The following PDS5B variants were observed in gnomAD, a reference collection of about 807,000 sequenced individuals.
PDS5B encodes the protein sister chromatid cohesion protein PDS5 homolog B.
In PDS5B, 51 loss-of-function variants were observed where a neutral mutation model predicts 184.1. The ratio of observed to expected loss-of-function variants is 0.28; its 90% CI spans 0.22 to 0.35. PDS5B has a LOEUF of 0.35. Ranked by LOEUF, PDS5B falls within the 10% of genes least tolerant of loss-of-function variation. The pLI is 1.00. For missense variants in PDS5B, 1,180 were observed against 1,723.3 expected (o/e 0.68, Z 5.58); for synonymous variants, 566 against 569.2 (o/e 0.99, Z 0.08).
chr13:32,676,507 G>A (rs1337386585), intron 9 of PDS5B, among the ~76,000 whole-genome samples: 1 of 152,070 alleles, frequency 6.6e-6, no homozygotes, highest in African/African-American at 2.4e-5. Flanking sequence ...TCTGTGAGAG[G>A]TATTCATCCC....
rs376698450 is a variant in PDS5B at position 32,758,070 on chromosome 13, CTT to C, written c.3057-4_3057-3del. Reference sequence around the variant, plus strand: ...GATTTTCTTCTATATTTCTTTTTTCCTTTTTTTTTTTTTTAGATGTCTTTGGT... The same window carrying C: ...GATTTTCTTCTATATTTCTTTTTTCCTTTTTTTTTTTTAGATGTCTTTGGT... On this transcript the variant is annotated splice_polypyrimidine_tract_variant and intron_variant, in intron 26 of 34. Coordinates refer to ENST00000315596, the MANE Select transcript of PDS5B (RefSeq NM_015032.4). The C allele has an allele frequency of 9.4e-3, 8,499 of 900,666 alleles. No homozygotes were observed. The highest frequency in any genetic ancestry group is 0.015 in the South Asian group (499 of 33,850). 55.8% of individuals were successfully genotyped at this position (900,666 alleles called of 1,614,324 possible).
intron 1 of PDS5B, among the ~76,000 whole-genome samples, chr13:32,599,702 C>T (rs967364351): frequency 2.0e-5 from 3 of 152,016 alleles, no homozygotes; most frequent in Non-Finnish European, 2.9e-5. Context: ...ATCATGAGGT[C>T]AGGAGATCTG....
intron 33 of PDS5B, among the ~76,000 whole-genome samples, chr13:32,772,422 C>G (rs1337996350): frequency 6.6e-6 from 1 of 152,016 alleles, no homozygotes; most frequent in African/African-American, 2.4e-5. Flanking sequence ...GAAGTTTTTT[C>G]TTTAAAAGTA....
rs1190821223 is a variant in PDS5B, at chr13:32,770,439, A to C, written c.3943A>C (p.Ser1315Arg). 1.2e-6 allele frequency: 2 copies of C among 1,613,650 alleles called. No individual in the cohort carries two copies. Residue 1315 changes from serine (S) to arginine (R), a missense_variant, in exon 32 of 35, where the codon AGC becomes CGC. Physicochemically the swap from Ser to Arg is moderately radical, Grantham distance 110. This residue lies in a region of PDS5B where 465 missense variants were observed against 497.8 expected (regional missense o/e 0.93). Transcript: ENST00000315596. ...AACAATGAAAACTTCTAAAAAAGGA[A>C]GCAAAAAAAAATCTGGACCTCCAGC... is the stretch of plus-strand genomic sequence containing the variant. ...EPTMKTSKKG[S>R]KKKSGPPAPE...
intron 11 of PDS5B, among the ~76,000 whole-genome samples, chr13:32,686,212 T>C (rs117526015): frequency 0.014 from 2,172 of 152,302 alleles, 29 homozygotes; most frequent in Middle Eastern, 0.051. Flanking sequence ...TATTCTAAGA[T>C]AATTAATGCC....
intron 1 of PDS5B, among the ~76,000 whole-genome samples, chr13:32,587,847 T>C (rs770231668): frequency 2.0e-5 from 3 of 152,202 alleles, no homozygotes; most frequent in Non-Finnish European, 4.4e-5. Flanking sequence ...AAACTTTGGG[T>C]ATAGCCTTAA....
intron 1 of PDS5B, among the ~76,000 whole-genome samples, chr13:32,635,983 A>G (rs2058549161): frequency 2.0e-5 from 3 of 151,390 alleles, no homozygotes; most frequent in South Asian, 4.2e-4. Flanking sequence ...GTTAGCCATG[A>G]TGGTCTCGAT....
intron 1 of PDS5B, among the ~76,000 whole-genome samples, chr13:32,617,527 AT>A (rs1436017938): frequency 6.6e-6 from 1 of 152,136 alleles, no homozygotes; most frequent in Admixed American, 6.5e-5. Context: ...ATAACTCAAG[AT>A]TTTTTACAGG....
intron 24 of PDS5B, among the ~76,000 whole-genome samples, chr13:32,751,347 T>A (rs542605771): frequency 6.6e-6 from 1 of 152,382 alleles, no homozygotes; most frequent in South Asian, 2.1e-4. Context: ...ATGGTAGACA[T>A]GATTTATAAT....
intron 19 of PDS5B, among the ~76,000 whole-genome samples, chr13:32,711,600 T>C (rs1434588917): frequency 6.6e-6 from 1 of 152,070 alleles, no homozygotes; most frequent in African/African-American, 2.4e-5. Context: ...TCAAGTGATC[T>C]GCCCGCTTCC....
chr13:32,701,368 C>G lies in PDS5B; in HGVS notation c.1786C>G (p.Pro596Ala). 6.2e-7 allele frequency: 1 copy of G among 1,612,770 alleles called. No individual in the cohort carries two copies. The highest frequency in any genetic ancestry group is 8.5e-7 in the Non-Finnish European group (1 of 1,179,044). The change falls in exon 17 of 35, where the codon CCT becomes GCT. Residue 596 changes from proline to alanine, a missense_variant. This residue lies in a region of PDS5B where 475 missense variants were observed against 691.5 expected (regional missense o/e 0.69). Coordinates refer to ENST00000315596, the MANE Select transcript of PDS5B (RefSeq NM_015032.4). ...GGGCAACCCCAAACAGCCTACAAAT[C>G]CTTTCCTGGAAATGATCAAGTTTCT... The part of the protein sequence containing the change: ...KLGNPKQPTN[P>A]FLEMIKFLLE...
At chr13:32,686,093 G>A (rs1754001295) in intron 11 of PDS5B, among the ~76,000 whole-genome samples, 1 of 152,034 alleles carries the variant, frequency 6.6e-6, no homozygotes, top group African/African-American at 2.4e-5. Flanking sequence ...AAAAGAAAAA[G>A]GACCACGAAG....
At chr13:32,711,803 G>A (rs1158003714) in intron 19 of PDS5B, among the ~76,000 whole-genome samples, 3 of 151,654 alleles carry the variant, frequency 2.0e-5, no homozygotes, top group Non-Finnish European at 4.4e-5. Flanking sequence ...TATGTAGTAC[G>A]TATACATACC....
At chr13:32,615,949 G>C (rs916458129) in intron 1 of PDS5B, among the ~76,000 whole-genome samples, 1 of 151,922 alleles carries the variant, frequency 6.6e-6, no homozygotes, top group African/African-American at 2.4e-5. Flanking sequence ...CTAAATTCTT[G>C]CCTAAAGTCA....
intron 33 of PDS5B, 153 bp downstream of exon 33, chr13:32,770,914 T>A (rs997930184): frequency 9.5e-6 from 6 of 628,534 alleles, no homozygotes; most frequent in Non-Finnish European, 1.7e-5. Flanking sequence ...CCTTAGTGAT[T>A]GATATCTCAA....
intron 13 of PDS5B, among the ~76,000 whole-genome samples, chr13:32,691,846 G>A (rs866233652): frequency 6.6e-5 from 10 of 152,044 alleles, no homozygotes; most frequent in African/African-American, 2.2e-4. Flanking sequence ...ACGTCCTCCT[G>A]TGTATTATCA....
intron 11 of PDS5B, among the ~76,000 whole-genome samples, chr13:32,684,485 C>T (rs1242903009): frequency 2.0e-5 from 3 of 152,200 alleles, no homozygotes; most frequent in Non-Finnish European, 4.4e-5. Context: ...CCCGATAGAG[C>T]ACCATGCTTC....
chr13:32,774,823 C>G (rs1218880758), intron 34 of PDS5B, among the ~76,000 whole-genome samples, 194 bp from the exon 35 acceptor site: 1 of 151,890 alleles, frequency 6.6e-6, no homozygotes, highest in Non-Finnish European at 1.5e-5. Context: ...AGTCTGTGAG[C>G]CTGTAAGGGA....
At position 32,770,672 on chromosome 13, in the gene PDS5B, T is replaced by C. The variant is rs1954752418; in HGVS notation, c.4083T>C (p.Ser1361=). 1 of 1,611,354 alleles carries C rather than the reference T, an allele frequency of 6.2e-7. No homozygotes were observed. The highest frequency in any genetic ancestry group is 8.5e-7 in the Non-Finnish European group (1 of 1,178,768). ...RAQQRAESPE[S]SAIESTQSTP... Reference sequence around the variant, plus strand: ...AAAGCAGAGCAGAATCTCCTGAATCTAGTGCAATTGAATCCACACAGTCCA... The same window carrying C: ...AAAGCAGAGCAGAATCTCCTGAATCCAGTGCAATTGAATCCACACAGTCCA... Residue 1361 remains serine, a synonymous_variant, in exon 33 of 35, where the codon TCT becomes TCC. Coordinates refer to ENST00000315596, the MANE Select transcript of PDS5B (RefSeq NM_015032.4).
Sources: allele counts gnomAD v4.1 joint callset (sites outside exome capture counted in the v4.1 genomes callset), GRCh38; gene constraint gnomAD v4.1.1; regional missense constraint gnomAD v4.1.1; transcripts MANE v1.5; gene names NCBI Gene and HGNC (gene_info 2026-07-23, HGNC 2026-07-21).